The following LSG1 variants were observed in gnomAD, a reference collection of about 807,000 sequenced individuals.
The protein encoded by LSG1 is large subunit GTPase 1 homolog.
LSG1 carries 55 observed loss-of-function variants against 82.6 expected under a neutral mutation model. That is an observed-to-expected ratio of 0.67 (90% CI 0.54 to 0.83). LSG1 has a LOEUF of 0.83. Ranked by LOEUF, LSG1 falls within the 40% of genes least tolerant of loss-of-function variation. The probability of loss-of-function intolerance (pLI) is 0.00; values close to 1 mark genes in which losing one functional copy is unlikely to be tolerated. For synonymous variants in LSG1, 272 were observed against 282.5 expected (o/e 0.96, Z 0.37); for missense variants, 809 against 807.9 (o/e 1.00, Z -0.02).
intron 5 of LSG1, 108 bp from the exon 6 acceptor site, chr3:194,660,241 A>C (rs904676503): frequency 2.5e-6 from 2 of 810,990 alleles, no homozygotes; most frequent in Admixed American, 1.9e-5. Flanking sequence ...TAAGCACTGG[A>C]CATATATTAA....
chr3:194,669,440 A>C (rs994853049), intron 2 of LSG1, among the ~76,000 whole-genome samples: 2 of 152,144 alleles, frequency 1.3e-5, no homozygotes, highest in African/African-American at 2.4e-5. Context: ...AAAGCCTTAA[A>C]CCTTTGTTCT....
chr3:194,653,766 C>T (rs183873073), intron 7 of LSG1, among the ~76,000 whole-genome samples: 129 of 151,998 alleles, frequency 8.5e-4, no homozygotes, highest in African/African-American at 3.1e-3. Flanking sequence ...CCGGGTGCTA[C>T]GGCTCACGCC....
intron 12 of LSG1, chr3:194,645,539 C>CACACAG (rs1718516261): frequency 6.2e-5 from 2 of 32,386 alleles, no homozygotes; most frequent in African/African-American, 2.1e-4. Context: ...CAGACAGACA[C>CACACAG]ACACACACAC....
rs145154287 is a variant in LSG1, at chr3:194,641,860, C to T, written c.*208G>A. ...TGTGCCCGGCCAGGAGTAGGATTCT[C>T]GGGCTCCCAGATGACTCCTTTTTGT... is the stretch of plus-strand genomic sequence containing the variant. On this transcript the variant is annotated 3_prime_UTR_variant, in exon 14 of 14. Transcript: ENST00000265245. 39 of 463,806 alleles carry T rather than the reference C, an allele frequency of 8.4e-5. No homozygotes were observed. Among genetic ancestry groups the T allele is most frequent in the South Asian group, 4.9e-4 (11 of 22,584 alleles). 28.7% of individuals were successfully genotyped at this position (463,806 alleles called of 1,614,324 possible). A position where few individuals can be genotyped will look rare whatever the true frequency, so the allele number is the denominator to read the frequency against.
intron 2 of LSG1, among the ~76,000 whole-genome samples, chr3:194,667,602 T>G (rs1025400927): frequency 5.9e-5 from 9 of 151,998 alleles, no homozygotes; most frequent in Non-Finnish European, 1.3e-4. Flanking sequence ...ACTAAAACTG[T>G]TCTGGCAGAT....
chr3:194,656,416 A>G (rs920472020), intron 7 of LSG1, among the ~76,000 whole-genome samples: 1 of 152,252 alleles, frequency 6.6e-6, no homozygotes, highest in African/African-American at 2.4e-5. Flanking sequence ...ATCACTGGCC[A>G]TCAGAGACAT....
chr3:194,655,772 A>G (rs2108618401), intron 7 of LSG1, among the ~76,000 whole-genome samples: 1 of 152,342 alleles, frequency 6.6e-6, no homozygotes, highest in South Asian at 2.1e-4. Flanking sequence ...TACAGTAACC[A>G]AAACAGCATG....
chr3:194,643,790 C>T (rs1402466276), intron 13 of LSG1, among the ~76,000 whole-genome samples: 1 of 152,166 alleles, frequency 6.6e-6, no homozygotes, highest in Non-Finnish European at 1.5e-5. Context: ...AAAGTGGAAA[C>T]AACCCAAACG....
chr3:194,648,075 ATT>A (rs990548703), intron 11 of LSG1, among the ~76,000 whole-genome samples: 19 of 117,890 alleles, frequency 1.6e-4, no homozygotes, highest in African/African-American at 1.6e-4. Flanking sequence ...CCACACTGCT[ATT>A]TTTTTTTTTT....
intron 5 of LSG1, among the ~76,000 whole-genome samples, chr3:194,661,590 T>A (rs141885584): frequency 2.6e-5 from 4 of 152,354 alleles, no homozygotes; most frequent in African/African-American, 9.6e-5. Flanking sequence ...TTCAAGGACA[T>A]GTTATACATC....
chr3:194,648,686 T>C lies in LSG1; in HGVS notation c.1538A>G (p.Tyr513Cys), dbSNP rs753573717. The C allele has an allele frequency of 3.1e-6, 5 of 1,614,022 alleles. No individual in the cohort carries two copies. The highest frequency in any genetic ancestry group is 8.5e-7 in the Non-Finnish European group (1 of 1,179,926). ...PPTSEELLTA[Y>C]GYMRGFMTAH... ...TCTGATGAATCACAACTTACATCCA[T>C]AAGCTGTCAACAGTTCTTCCGATGT... is the stretch of plus-strand genomic sequence containing the variant. Residue 513 changes from tyrosine (Y) to cysteine (C), a missense_variant, in exon 11 of 14, where the codon TAT becomes TGT. Tyr to Cys is a radical substitution (Grantham distance 194). Transcript: ENST00000265245.
In LSG1 at chr3:194,660,102, T is replaced by A. The variant is rs747126976; in HGVS notation, c.553A>T (p.Asn185Tyr). The change falls in exon 6 of 14, where the codon AAC becomes TAC. Residue 185 changes from asparagine to tyrosine, a missense_variant. Transcript: ENST00000265245. ...TCCTCACATCTAAACAGGAGTGGGT[T>A]TCGAGCATCTACTATCTGGACCACA... The part of the protein sequence containing the change: ...DIVVQIVDAR[N>Y]PLLFRCEDLE... The A allele has an allele frequency of 1.2e-6, 2 of 1,613,764 alleles. No individual in the cohort carries two copies. The highest frequency in any genetic ancestry group is 2.7e-5 in the African/African-American group (2 of 74,902).
At chr3:194,667,252 T>C (rs997764541) in intron 2 of LSG1, among the ~76,000 whole-genome samples, 1 of 152,140 alleles carries the variant, frequency 6.6e-6, no homozygotes, top group Non-Finnish European at 1.5e-5. Flanking sequence ...GGTTTTGCCA[T>C]GTTGGCCAGG....
intron 2 of LSG1, among the ~76,000 whole-genome samples, chr3:194,668,131 T>C (rs1254470791): frequency 6.6e-6 from 1 of 151,888 alleles, no homozygotes; most frequent in Non-Finnish European, 1.5e-5. Context: ...GCAGTCACTG[T>C]ACACCCCCAG....
chr3:194,656,006 T>C (rs1252312435), intron 7 of LSG1, among the ~76,000 whole-genome samples: 1 of 152,178 alleles, frequency 6.6e-6, no homozygotes, highest in Non-Finnish European at 1.5e-5. Flanking sequence ...TAATTCACGA[T>C]GGATTAAAGA....
chr3:194,643,241 A>C (rs1718436182), intron 13 of LSG1, among the ~76,000 whole-genome samples: 1 of 152,260 alleles, frequency 6.6e-6, no homozygotes, highest in African/African-American at 2.4e-5. Flanking sequence ...AAAGTGCAGA[A>C]GACATTTATG....
Position 194,642,213 on chromosome 3 carries a change from G to GT in LSG1, c.1831_1832insA (p.Ala611AspfsTer20). The GT allele has an allele frequency of 6.2e-7, 1 of 1,614,030 alleles. No homozygotes were observed. The highest frequency in any genetic ancestry group is 1.1e-5 in the South Asian group (1 of 91,054). On this transcript the variant is annotated frameshift_variant, in exon 14 of 14. Transcript: ENST00000265245. LOFTEE classifies it high-confidence loss of function. ...ACTCCCGGGCTTGTAACCCATCACAGCCTGGACTCCTTTGGTCAAAGCCCT... is the reference window on the plus strand; with the variant it reads ...ACTCCCGGGCTTGTAACCCATCACAGTCCTGGACTCCTTTGGTCAAAGCCCT...
intron 7 of LSG1, among the ~76,000 whole-genome samples, chr3:194,655,206 G>A (rs1718766907): frequency 6.6e-6 from 1 of 152,116 alleles, no homozygotes; most frequent in Non-Finnish European, 1.5e-5. Flanking sequence ...CAATTCTACA[G>A]GTGACCTGGT....
intron 13 of LSG1, 81 bp downstream of exon 13, chr3:194,644,492 T>C (rs1718475686): frequency 1.0e-6 from 1 of 968,072 alleles, no homozygotes; most frequent in Non-Finnish European, 1.5e-6. Flanking sequence ...TAATAAAATG[T>C]GTTTATGGCA....
Sources: gnomAD v4.1 joint callset for allele counts (sites outside exome capture counted in the v4.1 genomes callset) on GRCh38, gnomAD v4.1.1 for gene constraint, MANE v1.5 for transcripts, NCBI Gene and HGNC (gene_info 2026-07-23, HGNC 2026-07-21) for gene names.